The following EYS variants were observed in gnomAD, a reference collection of about 807,000 sequenced individuals.
EYS encodes the protein protein eyes shut homolog.
EYS carries 250 observed loss-of-function variants against 282.1 expected under a neutral mutation model. The ratio of observed to expected loss-of-function variants is 0.89; its 90% confidence interval spans 0.80 to 0.98. The LOEUF is 0.98. Ranked by LOEUF, EYS falls within the 50% of genes least tolerant of loss-of-function variation. The pLI is 0.00. For missense variants in EYS, 4,016 were observed against 3,709.0 expected, an observed-to-expected ratio of 1.08 and a Z score of -2.15; for synonymous variants, 1,355 against 1,282.9, an observed-to-expected ratio of 1.06 and a Z score of -1.20.
At chr6:64,108,044 T>A (rs377259925) in intron 31 of EYS, among the ~76,000 whole-genome samples, 37 of 152,266 alleles carry the variant, frequency 2.4e-4, no homozygotes, top group African/African-American at 7.9e-4. Context: ...TAGATCTTGT[T>A]GAGAAGAACA....
intron 5 of EYS, among the ~76,000 whole-genome samples, chr6:65,459,563 G>T (rs922946966): frequency 2.0e-5 from 3 of 151,950 alleles, no homozygotes; most frequent in Non-Finnish European, 4.4e-5. Context: ...TTTAATGAAT[G>T]AAAAGATAAA....
chr6:64,079,028 A>G (rs1335193408), intron 32 of EYS, among the ~76,000 whole-genome samples: 3 of 152,108 alleles, frequency 2.0e-5, no homozygotes, highest in Non-Finnish European at 2.9e-5. Context: ...TTCCAATTCT[A>G]TATAACTTAA....
rs193127417 is a variant in EYS at position 65,160,069 on chromosome 6, T to G, written c.2024-102342A>C. On this transcript the variant is annotated intron_variant, in intron 12 of 42. Coordinates refer to ENST00000503581, the MANE Select transcript of EYS (RefSeq NM_001142800.2). ...TTGATTTTTTGTGCCAAAATTTTTC[T>G]CATATTTGTTGCTCTATATGTTTTT... Among the ~76,000 whole-genome samples the G allele has an allele frequency of 1.7e-3, 258 of 151,168 alleles. 2 individuals carry two copies. The highest frequency in any genetic ancestry group is 5.9e-3 in the African/African-American group (243 of 41,434).
rs563927455 is a variant in EYS at position 65,248,400 on chromosome 6, G to A, written c.2023+47463C>T. ...CCTGTCAGGAAGAGGAGATGGGGGT[G>A]CATGGAAGTGAGCTTGTTGAGAGAC... On this transcript the variant is annotated intron_variant, in intron 12 of 42. Coordinates refer to ENST00000503581, the MANE Select transcript of EYS (RefSeq NM_001142800.2). Among the ~76,000 whole-genome samples the A allele has an allele frequency of 4.6e-5, 7 of 152,142 alleles. No homozygotes were observed. In the South Asian group the frequency reaches 1.5e-3, roughly 32 times the overall value.
chr6:64,008,356 C>A (rs944608686), intron 33 of EYS, among the ~76,000 whole-genome samples: 2 of 152,100 alleles, frequency 1.3e-5, no homozygotes, highest in Non-Finnish European at 1.5e-5. Flanking sequence ...TGACTTTAAG[C>A]TTATGGGTGT....
chr6:65,192,509 A>T (rs1765667458), intron 12 of EYS, among the ~76,000 whole-genome samples: 1 of 151,818 alleles, frequency 6.6e-6, no homozygotes, highest in Admixed American at 6.6e-5. Context: ...TGTACTAAAC[A>T]TATCTTTATC....
At chr6:63,763,432 T>A in intron 40 of EYS, among the ~76,000 whole-genome samples, 1 of 152,054 alleles carries the variant, frequency 6.6e-6, no homozygotes. Context: ...AAGTATGTCC[T>A]GATATGGTTT....
chr6:64,838,623 C>A (rs1765462502), intron 19 of EYS, among the ~76,000 whole-genome samples: 1 of 150,902 alleles, frequency 6.6e-6, no homozygotes, highest in Admixed American at 6.6e-5. Flanking sequence ...TCTCTACACA[C>A]ACACACACAC....
At chr6:65,524,363 G>A (rs1285825937) in intron 2 of EYS, among the ~76,000 whole-genome samples, 2 of 152,128 alleles carry the variant, frequency 1.3e-5, no homozygotes, top group African/African-American at 4.8e-5. Context: ...ACGGATTTAG[G>A]CCAGCAGAGC....
rs1478563742 is a variant in EYS at position 65,035,958 on chromosome 6, A to G, written c.2137+21656T>C. Among the ~76,000 whole-genome samples, 3 of 147,754 alleles carry G rather than the reference A, an allele frequency of 2.0e-5. No individual in the cohort carries two copies. The East Asian group carries it at 5.9e-4, about 29-fold the overall frequency. On this transcript the variant is annotated intron_variant, in intron 13 of 42. Transcript: ENST00000503581. Reference sequence around the variant, plus strand: ...ACATAGTAATATATAATAATTTATTAATAAGTACTTTATTAATAAACTATT... The same window carrying G: ...ACATAGTAATATATAATAATTTATTGATAAGTACTTTATTAATAAACTATT...
rs560119667 is a variant in EYS, at chr6:65,186,102, A to G, written c.2023+109761T>C. Reference sequence around the variant, plus strand: ...ATATTGCAGATAAGAAATTAAGTAGATAATCTGTCTTAGATATTATCTATT... The same window carrying G: ...ATATTGCAGATAAGAAATTAAGTAGGTAATCTGTCTTAGATATTATCTATT... On this transcript the variant is annotated intron_variant, in intron 12 of 42. Coordinates refer to ENST00000503581, the MANE Select transcript of EYS (RefSeq NM_001142800.2). 1.8e-4 allele frequency among the ~76,000 whole-genome samples: 27 copies of G among 151,872 alleles called. 1 individual carries two copies. The highest frequency in any genetic ancestry group is 4.8e-4 in the African/African-American group (20 of 41,520).
At chr6:65,443,703 T>TGTGCATATACACATATATACACATAC (rs200924503) in intron 5 of EYS, among the ~76,000 whole-genome samples, 14 of 148,666 alleles carry the variant, frequency 9.4e-5, no homozygotes, top group South Asian at 6.4e-4. Flanking sequence ...TATACACATA[T>TGTGCATATACACATATATACACATAC]GTGCATATAC....
At chr6:65,473,150 T>C (rs892344004) in intron 5 of EYS, among the ~76,000 whole-genome samples, 2 of 152,054 alleles carry the variant, frequency 1.3e-5, no homozygotes, top group Admixed American at 6.6e-5. Flanking sequence ...GTTATTACTA[T>C]ATGTAGACAG....
intron 1 of EYS, among the ~76,000 whole-genome samples, chr6:65,682,146 T>G (rs1352077685): frequency 6.6e-6 from 1 of 151,986 alleles, no homozygotes; most frequent in African/African-American, 2.4e-5. Flanking sequence ...CCTGTTTAGC[T>G]GTCAGGTGCA....
chr6:64,784,530 T>A (rs2149996020), intron 22 of EYS, among the ~76,000 whole-genome samples: 1 of 152,340 alleles, frequency 6.6e-6, no homozygotes, highest in South Asian at 2.1e-4. Flanking sequence ...ATTTTTTGAC[T>A]GCTTTACTCA....
chr6:65,098,904 A>G (rs924341856), intron 12 of EYS, among the ~76,000 whole-genome samples: 2 of 150,802 alleles, frequency 1.3e-5, no homozygotes, highest in Non-Finnish European at 3.0e-5. Flanking sequence ...GTTTAAAAAA[A>G]TAATAACAAT....
chr6:65,212,698 T>C (rs977503384), intron 12 of EYS, among the ~76,000 whole-genome samples: 2 of 152,126 alleles, frequency 1.3e-5, no homozygotes, highest in African/African-American at 4.8e-5. Flanking sequence ...TTCTAAGAAA[T>C]TATTTTTAGA....
chr6:64,221,435 A>G (rs1230039858), intron 31 of EYS, among the ~76,000 whole-genome samples: 2 of 152,122 alleles, frequency 1.3e-5, no homozygotes, highest in African/African-American at 4.8e-5. Context: ...TGATACAGCA[A>G]GAAGGCCCTC....
chr6:63,910,034 T>C (rs1773877141), intron 35 of EYS, among the ~76,000 whole-genome samples: 2 of 152,056 alleles, frequency 1.3e-5, no homozygotes, highest in South Asian at 4.1e-4. Context: ...CCAAGGAATA[T>C]TGTTGCTTAA....
Sources: gnomAD v4.1 joint callset for allele counts (sites outside exome capture counted in the v4.1 genomes callset) on GRCh38, gnomAD v4.1.1 for gene constraint, MANE v1.5 for transcripts, NCBI Gene and HGNC (gene_info 2026-07-23, HGNC 2026-07-21) for gene names.